Variants in FSTL4 observed in about 807,000 individuals in gnomAD.
The protein encoded by FSTL4 is follistatin-related protein 4.
A neutral mutation model predicts 78.2 loss-of-function variants in FSTL4; 28 were observed. The observed-to-expected ratio is 0.36, with a 90% CI of 0.27 to 0.49. The LOEUF (loss-of-function observed/expected upper bound fraction) is 0.49, where lower values mean the gene tolerates loss of function less well. Ranked by LOEUF, FSTL4 falls within the 20% of genes least tolerant of loss-of-function variation. The pLI is 0.98. For missense variants in FSTL4, 922 were observed against 1,084.9 expected (o/e 0.85, Z 2.11); for synonymous variants, 422 against 440.5 (o/e 0.96, Z 0.53).
chr5:133,348,706 G>A (rs370760842), intron 4 of FSTL4, among the ~76,000 whole-genome samples: 1 of 152,182 alleles, frequency 6.6e-6, no homozygotes, highest in East Asian at 1.9e-4. Context: ...ACTCATAGCC[G>A]GCTACCTCTG....
intron 6 of FSTL4, among the ~76,000 whole-genome samples, chr5:133,299,209 C>T (rs150199486): frequency 5.3e-5 from 8 of 152,198 alleles, no homozygotes; most frequent in South Asian, 2.1e-4. Flanking sequence ...GGGCTGAGTC[C>T]GGCAAGATCA....
In FSTL4 at chr5:133,225,748, G is replaced by A. The variant is rs1166854431; in HGVS notation, c.1087C>T (p.His363Tyr). Reference protein sequence around the residue: ...EPGVAASLRCHAEGIPMPRIT... With the variant: ...EPGVAASLRCYAEGIPMPRIT... ...CTGGGCATGGGAATGCCCTCAGCAT[G>A]GCATCTTAGGCTGGCTGCCACTCCA... Residue 363 changes from histidine to tyrosine, a missense_variant, in exon 9 of 16, where the codon CAT becomes TAT. By Grantham distance (83) the His-to-Tyr change is moderately conservative (BLOSUM62 2). Transcript: ENST00000265342. The surrounding 1 kb of genome is among the most constrained non-coding windows in gnomAD (Gnocchi z 4.6). 2 of 1,611,604 alleles carry A rather than the reference G, an allele frequency of 1.2e-6. No homozygotes were observed. The highest frequency in any genetic ancestry group is 1.3e-5 in the African/African-American group (1 of 74,950).
In FSTL4 at chr5:133,363,176, A is replaced by G. The variant is rs569708737; in HGVS notation, c.409+37562T>C. Among the ~76,000 whole-genome samples, 27 of 145,230 alleles carry G rather than the reference A, an allele frequency of 1.9e-4. 1 individual carries two copies. Among genetic ancestry groups the G allele is most frequent in the Middle Eastern group, 3.5e-3 (1 of 288 alleles). On this transcript the variant is annotated intron_variant, in intron 4 of 15. Transcript: ENST00000265342. ...TGAATAATCTGCATACTTCACAGAG[A>G]AAAAAAACATACAAACAAAACCAGG... is the stretch of plus-strand genomic sequence containing the variant.
chr5:133,233,386 G>C (rs1751555027), intron 8 of FSTL4, 31 bp downstream of exon 8: 3 of 1,613,148 alleles, frequency 1.9e-6, no homozygotes, highest in South Asian at 2.2e-5. Context: ...GAGGCTATGA[G>C]GGGACAACAT....
chr5:133,432,224 G>A (rs994193337), intron 3 of FSTL4, among the ~76,000 whole-genome samples: 1 of 152,208 alleles, frequency 6.6e-6, no homozygotes, highest in African/African-American at 2.4e-5. Flanking sequence ...ACACAGGTTA[G>A]TGAAGGAGGT....
At chr5:133,783,914 T>C in the FSTL4 span, among the ~76,000 whole-genome samples, 1 of 150,072 alleles carries the variant, frequency 6.7e-6, no homozygotes, top group East Asian at 2.0e-4. Context: ...CGAGAACAGT[T>C]AGCTCACAGG....
chr5:133,235,499 CAAAA>C (rs71581361), intron 7 of FSTL4, among the ~76,000 whole-genome samples: 47 of 97,534 alleles, frequency 4.8e-4, no homozygotes, highest in African/African-American at 1.3e-3. Flanking sequence ...ACCCCACCTC[CAAAA>C]AAAAAAAAAA....
At chr5:133,795,170 A>G in the FSTL4 span, among the ~76,000 whole-genome samples, 1 of 152,174 alleles carries the variant, frequency 6.6e-6, no homozygotes, top group Non-Finnish European at 1.5e-5. Flanking sequence ...GCCCCAGGTG[A>G]GCTTTATTTG....
At chr5:133,794,852 C>T in the FSTL4 span, among the ~76,000 whole-genome samples, 2 of 152,134 alleles carry the variant, frequency 1.3e-5, no homozygotes, top group African/African-American at 4.8e-5. Context: ...GGGGGAAGAT[C>T]CATCACCAGC....
chr5:133,716,553 G>T, the FSTL4 span, among the ~76,000 whole-genome samples: 643 of 152,274 alleles, frequency 4.2e-3, 6 homozygotes, highest in African/African-American at 0.015. Context: ...AACTACTTCT[G>T]TGTAAAAGAT....
chr5:133,645,436 G>A, the FSTL4 span, among the ~76,000 whole-genome samples: 1 of 152,120 alleles, frequency 6.6e-6, no homozygotes, highest in Admixed American at 6.5e-5. Context: ...TTCTAATCAA[G>A]GGTAAGGGCC....
intron 6 of FSTL4, among the ~76,000 whole-genome samples, chr5:133,264,401 T>TG (rs908939819): frequency 5.3e-5 from 8 of 152,160 alleles, no homozygotes; most frequent in African/African-American, 1.9e-4. Flanking sequence ...GGTTACACTC[T>TG]GGGGAGGCCC....
chr5:133,332,643 T>C (rs182243682), intron 4 of FSTL4, among the ~76,000 whole-genome samples: 59 of 152,362 alleles, frequency 3.9e-4, no homozygotes, highest in Non-Finnish European at 2.9e-5. Flanking sequence ...ACCTGTCTTC[T>C]GACTTATGCT....
chr5:133,573,853 G>C (rs1760215866), intron 2 of FSTL4, among the ~76,000 whole-genome samples: 1 of 152,148 alleles, frequency 6.6e-6, no homozygotes, highest in Admixed American at 6.5e-5. Context: ...GCAACCTCAT[G>C]GAAAAAATGT....
the FSTL4 span, among the ~76,000 whole-genome samples, chr5:133,833,569 T>A: frequency 6.6e-6 from 1 of 152,226 alleles, no homozygotes; most frequent in Non-Finnish European, 1.5e-5. Context: ...TTTCTCCTCA[T>A]CTGTCTCATC....
chr5:133,714,191 A>G, the FSTL4 span, among the ~76,000 whole-genome samples: 3 of 152,180 alleles, frequency 2.0e-5, no homozygotes, highest in African/African-American at 7.2e-5. Context: ...CCAGACACAC[A>G]TGGAGAGAGA....
chr5:133,641,335 G>A, the FSTL4 span, among the ~76,000 whole-genome samples: 1 of 152,002 alleles, frequency 6.6e-6, no homozygotes, highest in Non-Finnish European at 1.5e-5. Flanking sequence ...AGGCTCAATA[G>A]GACAAGGGGC....
intron 10 of FSTL4, chr5:133,224,534 C>G (rs1231154244): frequency 4.0e-6 from 1 of 250,766 alleles, no homozygotes; most frequent in Non-Finnish European, 7.6e-6. Context: ...TCCCAGATTT[C>G]CTGGACAACC....
intron 6 of FSTL4, chr5:133,252,338 C>T (rs1362774437): frequency 6.6e-6 from 1 of 152,188 alleles, no homozygotes; most frequent in Non-Finnish European, 1.5e-5. Flanking sequence ...CAGGGCTTCC[C>T]CTGGGCCCTA....
Sources: allele counts gnomAD v4.1 joint callset (sites outside exome capture counted in the v4.1 genomes callset), GRCh38; gene constraint gnomAD v4.1.1; non-coding constraint Gnocchi (gnomAD v3.1); transcripts MANE v1.5; gene names NCBI Gene and HGNC (gene_info 2026-07-23, HGNC 2026-07-21).